Variants in EVC observed in about 807,000 individuals in gnomAD.
EVC encodes evC complex member EVC.
Under a neutral mutation model 118.9 loss-of-function variants are expected in EVC, and 116 were observed. That is an observed-to-expected ratio of 0.98 (90% CI 0.84 to 1.14). EVC has a LOEUF of 1.14. Among genes scored for constraint, EVC ranks in the 50% most tolerant of loss-of-function variants. The pLI is 0.00. For synonymous variants in EVC, 619 were observed against 534.7 expected (o/e 1.16, Z -2.18); for missense variants, 1,401 against 1,246.4 (o/e 1.12, Z -1.87).
Position 5,733,347 on chromosome 4 carries a change from G to T in EVC, c.618-4G>T, listed in dbSNP as rs1727147779. The stretch of plus-strand genomic sequence containing the variant: ...TCTTTTCCGCTTCTCATTTTATTTT[G>T]CAGTGTAGACGTTGACCTGTGTATC... On this transcript the variant is annotated splice_region_variant and splice_polypyrimidine_tract_variant and intron_variant, in intron 4 of 20. Coordinates refer to ENST00000264956, the MANE Select transcript of EVC (RefSeq NM_153717.3). 1 of 1,612,662 alleles carries T rather than the reference G, an allele frequency of 6.2e-7. No individual in the cohort carries two copies. The highest frequency in any genetic ancestry group is 8.5e-7 in the Non-Finnish European group (1 of 1,178,782).
chr4:5,780,976 ATGT>A (rs1735519787), intron 11 of EVC, among the ~76,000 whole-genome samples: 1 of 152,226 alleles, frequency 6.6e-6, no homozygotes, highest in Non-Finnish European at 1.5e-5. Context: ...CATGTGTGAA[ATGT>A]TGTCTACCAG....
downstream of EVC, among the ~76,000 whole-genome samples, chr4:5,818,653 G>T (rs559551874): frequency 6.6e-6 from 1 of 152,120 alleles, no homozygotes; most frequent in Non-Finnish European, 1.5e-5. Flanking sequence ...AGCGAGACCT[G>T]AGCCAATACA....
At chr4:5,773,826 G>C (rs897460778) in intron 11 of EVC, among the ~76,000 whole-genome samples, 4 of 152,084 alleles carry the variant, frequency 2.6e-5, no homozygotes, top group Non-Finnish European at 2.9e-5. Context: ...GGACCCACTT[G>C]TCAGGGGAAC....
At chr4:5,827,809 G>GGGGAT in the EVC span, among the ~76,000 whole-genome samples, 1 of 152,158 alleles carries the variant, frequency 6.6e-6, no homozygotes, top group African/African-American at 2.4e-5. Flanking sequence ...CAGCTGCCAT[G>GGGGAT]GGGATGGGAG....
At chr4:5,768,383 A>G (rs115896922) in intron 11 of EVC, among the ~76,000 whole-genome samples, 3,360 of 152,118 alleles carry the variant, frequency 0.022, 43 homozygotes, top group Middle Eastern at 0.068. Context: ...CGTGTAAGAG[A>G]TGGTGCTGAC....
At position 5,746,888 on chromosome 4, in the gene EVC, GC is replaced by G. The variant is rs1160704162; in HGVS notation, c.940-1259del. The stretch of plus-strand genomic sequence containing the variant: ...GAGGAATTGGATGGGCTTTGCAGAA[GC>G]AGGAGAAAATCATGTCATGGACGCC... On this transcript the variant is annotated intron_variant, in intron 7 of 20. Coordinates refer to ENST00000264956, the MANE Select transcript of EVC (RefSeq NM_153717.3). The surrounding 1 kb of genome is among the most constrained non-coding windows in gnomAD (Gnocchi z 5.8). 6.6e-6 allele frequency among the ~76,000 whole-genome samples: 1 copy of G among 152,172 alleles called. No individual in the cohort carries two copies. Among genetic ancestry groups the G allele is most frequent in the Non-Finnish European group, 1.5e-5 (1 of 68,038 alleles).
chr4:5,725,622 C>T (rs531961279), intron 2 of EVC, among the ~76,000 whole-genome samples: 1 of 152,122 alleles, frequency 6.6e-6, no homozygotes, highest in Non-Finnish European at 1.5e-5. Flanking sequence ...GGATGTTAGA[C>T]CCTTGTCAGA....
At chr4:5,766,827 A>T (rs2152163397) in intron 11 of EVC, among the ~76,000 whole-genome samples, 1 of 150,290 alleles carries the variant, frequency 6.7e-6, no homozygotes, top group East Asian at 2.0e-4. Flanking sequence ...CAAAGTTTTC[A>T]ACTTCTTTGC....
intron 12 of EVC, among the ~76,000 whole-genome samples, chr4:5,784,307 C>T (rs1736090891): frequency 6.6e-6 from 1 of 152,060 alleles, no homozygotes; most frequent in Non-Finnish European, 1.5e-5. Context: ...TTACAGGAGA[C>T]AGGCAGAAGG....
Position 5,802,094 on chromosome 4 carries a change from G to T in EVC, c.2449G>T (p.Gly817Cys), listed in dbSNP as rs766172347. 12 of 1,599,550 alleles carry T rather than the reference G, an allele frequency of 7.5e-6. No individual in the cohort carries two copies. The highest frequency in any genetic ancestry group is 1.7e-4 in the Middle Eastern group (1 of 6,052). ...RKLQHLKTLQ[G>C]ERMENYKLRK... ...ACTGCAGCACCTGAAGACCCTGCAG[G>T]GTACGGGACCCCCCCTCAGGGAAGC... Residue 817 changes from glycine to cysteine, a missense_variant and splice_region_variant, in exon 16 of 21, where the codon GGT (glycine) becomes TGT (cysteine). Transcript: ENST00000264956.
At chr4:5,721,665 G>A (rs1350481793) in intron 2 of EVC, among the ~76,000 whole-genome samples, 1 of 152,142 alleles carries the variant, frequency 6.6e-6, no homozygotes, top group African/African-American at 2.4e-5. Context: ...TCAGGAGTTT[G>A]AGACCAGCCT....
intron 12 of EVC, among the ~76,000 whole-genome samples, chr4:5,784,869 A>C (rs1033318707): frequency 6.6e-6 from 1 of 152,202 alleles, no homozygotes; most frequent in African/African-American, 2.4e-5. Flanking sequence ...TAGCCTCCCG[A>C]AGTGCTGGGA....
At position 5,789,919 on chromosome 4, in the gene EVC, G is replaced by T. The variant is rs147763560; in HGVS notation, c.1777-3689G>T. Among the ~76,000 whole-genome samples, 2 of 152,126 alleles carry T rather than the reference G, an allele frequency of 1.3e-5. No homozygotes were observed. The highest frequency in any genetic ancestry group is 1.9e-4 in the East Asian group (1 of 5,190). ...AGACTGGCCAAGCATGGTGGATCAC[G>T]CCTGTAATCCCAGCACCTTGGGAGG... is the stretch of plus-strand genomic sequence containing the variant. On this transcript the variant is annotated intron_variant, in intron 12 of 20. Coordinates refer to ENST00000264956, the MANE Select transcript of EVC (RefSeq NM_153717.3). This position sits in a 1 kb window ranked among gnomAD's most constrained non-coding sequence, Gnocchi z 4.3.
intron 2 of EVC, among the ~76,000 whole-genome samples, chr4:5,722,938 C>T (rs1171410819): frequency 6.6e-6 from 1 of 152,210 alleles, no homozygotes; most frequent in Non-Finnish European, 1.5e-5. Context: ...AAGGCAGTGG[C>T]TCCTGTTCAG....
rs796496400 is a variant in EVC, at chr4:5,754,870, G to A, written c.1464+937G>A. Among the ~76,000 whole-genome samples the A allele has an allele frequency of 2.0e-5, 3 of 152,244 alleles. No individual in the cohort carries two copies. The highest frequency in any genetic ancestry group is 2.4e-5 in the African/African-American group (1 of 41,546). On this transcript the variant is annotated intron_variant, in intron 10 of 20. Transcript: ENST00000264956. The surrounding 1 kb of genome is among the most constrained non-coding windows in gnomAD (Gnocchi z 5.8). The stretch of plus-strand genomic sequence containing the variant: ...GTTTGCCTGGGTCCGCCTGCCCTCC[G>A]TCAACACTTGGTACAGCACATCTCA...
At chr4:5,823,446 A>G in the EVC span, among the ~76,000 whole-genome samples, 4 of 152,340 alleles carry the variant, frequency 2.6e-5, no homozygotes, top group African/African-American at 9.6e-5. Context: ...CCTGCTGGAA[A>G]AAAGGACACT....
At chr4:5,734,303 G>T (rs991510234) in intron 5 of EVC, among the ~76,000 whole-genome samples, 1 of 152,198 alleles carries the variant, frequency 6.6e-6, no homozygotes, top group Admixed American at 6.5e-5. Flanking sequence ...CAGACACACA[G>T]ATATGTCTAC....
At chr4:5,803,943 CT>C (rs10600187) in intron 16 of EVC, among the ~76,000 whole-genome samples, 81,366 of 142,204 alleles carry the variant, frequency 0.57, 22,922 homozygotes, top group South Asian at 0.75. Context: ...GCCTCATCAC[CT>C]TTTTTTTTTT....
At chr4:5,808,157 C>CTCCCTT (rs375275583) in intron 17 of EVC, 44 bp from the exon 18 acceptor site, 2 of 1,076,940 alleles carry the variant, frequency 1.9e-6, no homozygotes. Context: ...CTCCCTCCCT[C>CTCCCTT]CCTTCCTTCC....
Sources: allele counts gnomAD v4.1 joint callset (sites outside exome capture counted in the v4.1 genomes callset), GRCh38; gene constraint gnomAD v4.1.1; non-coding constraint Gnocchi (gnomAD v3.1); transcripts MANE v1.5; gene names NCBI Gene and HGNC (gene_info 2026-07-23, HGNC 2026-07-21).